The following LPIN3 variants were observed in gnomAD, a reference collection of about 807,000 sequenced individuals.
LPIN3 encodes lipin 3, also known as phosphatidate phosphatase LPIN3.
LPIN3 carries 82 observed loss-of-function variants against 94.7 expected under a neutral mutation model. The observed-to-expected ratio is 0.87, with a 90% CI of 0.72 to 1.04. The LOEUF is 1.04. Ranked by LOEUF, LPIN3 falls within the 50% of genes least tolerant of loss-of-function variation. The pLI, the probability that LPIN3 is intolerant of heterozygous loss-of-function variation, is 0.00. For synonymous variants in LPIN3, 418 were observed against 443.3 expected (o/e 0.94, Z 0.72); for missense variants, 996 against 1,090.5 (o/e 0.91, Z 1.22).
chr20:41,349,891 T>C lies in LPIN3; in HGVS notation c.756T>C (p.Pro252=), dbSNP rs777250283. 1.2e-6 allele frequency: 2 copies of C among 1,612,426 alleles called. No individual in the cohort carries two copies. The highest frequency in any genetic ancestry group is 1.7e-6 in the Non-Finnish European group (2 of 1,179,594). Residue 252 remains proline, a synonymous_variant, in exon 6 of 20, where the codon CCT becomes CCC. Coordinates refer to ENST00000373257, the MANE Select transcript of LPIN3 (RefSeq NM_022896.3). ...TGCAGTGGGCCTGGGGGAGGCTGCC[T>C]AAGGTGAGTCCCTCTGTATCAACCC... ...SHMQWAWGRL[P]KVARAERPES...
At position 41,351,858 on chromosome 20, in the gene LPIN3, C is replaced by T; in HGVS notation, c.1140C>T (p.Asp380=). 1.2e-6 allele frequency: 2 copies of T among 1,614,228 alleles called. No individual in the cohort carries two copies. The highest frequency in any genetic ancestry group is 1.1e-5 in the South Asian group (1 of 91,090). Reference sequence around the variant, plus strand: ...GAAGCCAGCACCTGGGCCCCAGTGACATCTACCTGGATGACTTGCCCTCCC... The same window carrying T: ...GAAGCCAGCACCTGGGCCCCAGTGATATCTACCTGGATGACTTGCCCTCCC... The part of the protein sequence containing the change: ...PKRSQHLGPS[D]IYLDDLPSLD... The change falls in exon 8 of 20, where the codon GAC becomes GAT. Residue 380 remains aspartate (D), a synonymous_variant. Transcript: ENST00000373257.
chr20:41,343,273 C>G (rs550513856), intron 1 of LPIN3, among the ~76,000 whole-genome samples: 25 of 152,344 alleles, frequency 1.6e-4, no homozygotes, highest in Non-Finnish European at 2.9e-4. Flanking sequence ...CGGCTCTGCC[C>G]CTCCCCATGC....
chr20:41,352,539 A>AG, intron 9 of LPIN3, 67 bp from the exon 10 acceptor site: 2 of 1,389,798 alleles, frequency 1.4e-6, no homozygotes, highest in Non-Finnish European at 2.0e-6. Context: ...GGGGAGCACC[A>AG]GGGGGCTGGG....
rs775102312 is a variant in LPIN3, at chr20:41,357,966, G to A, written c.2124G>A (p.Glu708=). Residue 708 remains glutamate (E), a synonymous_variant, in exon 17 of 20, where the codon GAG becomes GAA. Coordinates refer to ENST00000373257, the MANE Select transcript of LPIN3 (RefSeq NM_022896.3). ...AGGGGTACCTGCAGTGGGTGAGCGAGGGGGGCTGTAGCCTCCCCAAGGGCC... is the reference window on the plus strand; with the variant it reads ...AGGGGTACCTGCAGTGGGTGAGCGAAGGGGGCTGTAGCCTCCCCAAGGGCC... ...LTKGYLQWVS[E]GGCSLPKGPI... 6 of 1,613,434 alleles carry A rather than the reference G, an allele frequency of 3.7e-6. No individual in the cohort carries two copies. The Admixed American group carries it at 5.0e-5, about 13-fold the overall frequency.
intron 7 of LPIN3, among the ~76,000 whole-genome samples, chr20:41,351,171 T>G (rs2045995933): frequency 6.6e-6 from 1 of 151,844 alleles, no homozygotes; most frequent in Non-Finnish European, 1.5e-5. Context: ...GAGGGTCACT[T>G]GAGCCCAGGA....
At position 41,357,041 on chromosome 20, in the gene LPIN3, G is replaced by A. The variant is rs770777608; in HGVS notation, c.1805G>A (p.Arg602Gln). The A allele has an allele frequency of 1.4e-5, 23 of 1,611,094 alleles. No homozygotes were observed. The highest frequency in any genetic ancestry group is 3.3e-5 in the Admixed American group (2 of 59,964). The change falls in exon 15 of 20, where the codon CGG becomes CAG. Residue 602 changes from arginine (R) to glutamine (Q), a missense_variant and splice_region_variant. Coordinates refer to ENST00000373257, the MANE Select transcript of LPIN3 (RefSeq NM_022896.3). ...ACACCCCCCTTTGTCTGGCCTCAGC[G>A]GCGCCTGAACCTGCAAGAAGGTGCC... ...KSLRLSSDQIRRLNLQEGAND... is the reference protein window; with the variant it reads ...KSLRLSSDQIQRLNLQEGAND...
At chr20:41,352,313 G>A in intron 9 of LPIN3, 93 bp downstream of exon 9, 1 of 1,447,394 alleles carries the variant, frequency 6.9e-7, no homozygotes, top group East Asian at 2.3e-5. Context: ...GGGCAGTAGA[G>A]GTGAGAGGCT....
At chr20:41,351,020 A>T (rs2045988662) in intron 7 of LPIN3, among the ~76,000 whole-genome samples, 1 of 152,024 alleles carries the variant, frequency 6.6e-6, no homozygotes, top group Non-Finnish European at 1.5e-5. Context: ...CTGAGGTGGG[A>T]AGATTGCTTG....
At chr20:41,352,531 G>C in intron 9 of LPIN3, 75 bp from the exon 10 acceptor site, 1 of 1,303,850 alleles carries the variant, frequency 7.7e-7, no homozygotes, top group African/African-American at 1.5e-5. Context: ...AGCAGAGTGG[G>C]GAGCACCAGG....
chr20:41,345,486 A>G (rs1445491919), intron 1 of LPIN3, among the ~76,000 whole-genome samples: 2 of 152,228 alleles, frequency 1.3e-5, no homozygotes, highest in African/African-American at 4.8e-5. Context: ...CATTATCATT[A>G]GTCATGGCAT....
Position 41,349,308 on chromosome 20 carries a change from A to G in LPIN3, c.638+136A>G, listed in dbSNP as rs962317141. On this transcript the variant is annotated intron_variant, in intron 5 of 19. Coordinates refer to ENST00000373257, the MANE Select transcript of LPIN3 (RefSeq NM_022896.3). ...CCATTCGTATTTTTCCTTTGTAAAG[A>G]GTTCAAGTCTTTTATTGATTTTTTT... 5.6e-6 allele frequency: 4 copies of G among 718,776 alleles called. No homozygotes were observed. The African/African-American group carries it at 7.1e-5, about 13-fold the overall frequency. The allele number at this position is 718,776 out of a possible 1,614,324, so 44.5% of individuals were successfully genotyped here. A position where few individuals can be genotyped will look rare whatever the true frequency, so the allele number is the denominator to read the frequency against.
chr20:41,345,799 C>G lies in LPIN3; in HGVS notation c.-5C>G, dbSNP rs771462288. On this transcript the variant is annotated 5_prime_UTR_variant, in exon 2 of 20. Transcript: ENST00000373257. ...AGCCACTGCCTTTCTTTGCCAGCAC[C>G]AGCCATGAACTACGTGGGGCAGCTG... The G allele has an allele frequency of 6.2e-7, 1 of 1,604,624 alleles. No homozygotes were observed. The highest frequency in any genetic ancestry group is 8.5e-7 in the Non-Finnish European group (1 of 1,172,908).
Position 41,359,032 on chromosome 20 carries a change from A to C in LPIN3, c.*166A>C. Reference sequence around the variant, plus strand: ...GAGAGACTCCCCCATCTTCCCCGTCATATTTTTGCCAGCTAAGCTGCAGCT... The same window carrying C: ...GAGAGACTCCCCCATCTTCCCCGTCCTATTTTTGCCAGCTAAGCTGCAGCT... On this transcript the variant is annotated 3_prime_UTR_variant, in exon 20 of 20. Transcript: ENST00000373257. The C allele has an allele frequency of 1.2e-6, 1 of 804,804 alleles. No homozygotes were observed. Among genetic ancestry groups the C allele is most frequent in the Non-Finnish European group, 1.9e-6 (1 of 522,486 alleles). The allele number at this position is 804,804 out of a possible 1,614,324, so 49.9% of individuals were successfully genotyped here.
intron 15 of LPIN3, 60 bp from the exon 16 acceptor site, chr20:41,357,301 T>G (rs2046244862): frequency 3.1e-6 from 5 of 1,602,666 alleles, no homozygotes; most frequent in Non-Finnish European, 4.3e-6. Context: ...TGGGCCATCC[T>G]GGGGCTGGAG....
chr20:41,347,672 C>G (rs779724286), intron 3 of LPIN3, 25 bp downstream of exon 3: 7 of 1,583,852 alleles, frequency 4.4e-6, no homozygotes, highest in Non-Finnish European at 5.2e-6. Context: ...CTAACAGCAC[C>G]TGCCCCGCCC....
intron 2 of LPIN3, 139 bp from the exon 3 acceptor site, chr20:41,347,413 C>A: frequency 1.4e-6 from 1 of 726,822 alleles, no homozygotes; most frequent in Non-Finnish European, 2.3e-6. Flanking sequence ...CAGCCAGGCA[C>A]TTGAGGTCCG....
chr20:41,345,878 C>G lies in LPIN3; in HGVS notation c.75C>G (p.Ala25=). ...AGCTGTACCGGGGCCTGAACCCAGC[C>G]ACACTGAGCGGCGGCATTGACGTGC... The part of the protein sequence containing the change: ...VKELYRGLNP[A]TLSGGIDVLV... The change falls in exon 2 of 20, where the codon GCC becomes GCG. Residue 25 remains alanine (A), a synonymous_variant. Transcript: ENST00000373257. 4.3e-6 allele frequency: 7 copies of G among 1,614,224 alleles called. No homozygotes were observed. Among genetic ancestry groups the G allele is most frequent in the Non-Finnish European group, 5.1e-6 (6 of 1,180,046 alleles).
chr20:41,358,934 G>A lies in LPIN3; in HGVS notation c.*68G>A. 6.4e-7 allele frequency: 1 copy of A among 1,572,500 alleles called. No individual in the cohort carries two copies. The highest frequency in any genetic ancestry group is 1.2e-5 in the South Asian group (1 of 84,678). ...TGGCTAGGTGTCCTGGGGTATAGGA[G>A]GGTGGGAATTGGAGTGTCATGGGGC... On this transcript the variant is annotated 3_prime_UTR_variant, in exon 20 of 20. Coordinates refer to ENST00000373257, the MANE Select transcript of LPIN3 (RefSeq NM_022896.3).
chr20:41,358,988 G>A lies in LPIN3; in HGVS notation c.*122G>A, dbSNP rs1207110549. 14 of 1,319,458 alleles carry A rather than the reference G, an allele frequency of 1.1e-5. No homozygotes were observed. Among genetic ancestry groups the A allele is most frequent in the Admixed American group, 6.8e-5 (3 of 44,108 alleles). The allele number at this position is 1,319,458 out of a possible 1,614,324, so 81.7% of individuals were successfully genotyped here. ...CCCACTGAAGGGGAAGGAGGAGGCT[G>A]CAGGTTGGTTGGCAGCTAGAGAGAC... On this transcript the variant is annotated 3_prime_UTR_variant, in exon 20 of 20. Transcript: ENST00000373257.
Sources: allele counts gnomAD v4.1 joint callset (sites outside exome capture counted in the v4.1 genomes callset), GRCh38; gene constraint gnomAD v4.1.1; transcripts MANE v1.5; gene names NCBI Gene and HGNC (gene_info 2026-07-23, HGNC 2026-07-21).